TNR: variants seen among roughly 807,000 people sequenced by gnomAD.
TNR encodes tenascin-R.
In TNR, 45 loss-of-function variants were observed where a neutral mutation model predicts 150.4. That is an observed-to-expected ratio of 0.30 (90% CI 0.24 to 0.38). The LOEUF is 0.38. TNR is among the 10% of genes least tolerant of loss of function. TNR has a pLI of 1.00. For synonymous variants in TNR, 687 were observed against 678.4 expected (o/e 1.01, Z -0.20); for missense variants, 1,544 against 1,759.1 (o/e 0.88, Z 2.19).
chr1:175,591,766 T>C (rs1176321456), intron 1 of TNR, among the ~76,000 whole-genome samples: 1 of 152,202 alleles, frequency 6.6e-6, no homozygotes, highest in East Asian at 1.9e-4. Context: ...ACTGGGTTCA[T>C]GGTAGAATTA....
chr1:175,562,126 G>T (rs1661454965), intron 1 of TNR, among the ~76,000 whole-genome samples: 1 of 152,270 alleles, frequency 6.6e-6, no homozygotes, highest in Middle Eastern at 3.4e-3. Flanking sequence ...ACATGATGGT[G>T]CTCAAATCTA....
chr1:175,369,167 C>T (rs1346704120), intron 9 of TNR, among the ~76,000 whole-genome samples: 1 of 152,114 alleles, frequency 6.6e-6, no homozygotes, highest in Non-Finnish European at 1.5e-5. Context: ...CTCATCACAA[C>T]CTTGGGAGGA....
chr1:175,576,305 T>A (rs1160733367), intron 1 of TNR, among the ~76,000 whole-genome samples: 1 of 152,072 alleles, frequency 6.6e-6, no homozygotes, highest in African/African-American at 2.4e-5. Context: ...AGATGCAAAG[T>A]CAGGTGGAGA....
chr1:175,516,170 C>T (rs960880986), intron 2 of TNR, among the ~76,000 whole-genome samples: 7 of 152,080 alleles, frequency 4.6e-5, no homozygotes, highest in South Asian at 2.1e-4. Context: ...CTTTCTGTAA[C>T]GTAGTGATTG....
chr1:175,471,597 C>G (rs1293702947), intron 2 of TNR, among the ~76,000 whole-genome samples: 1 of 152,132 alleles, frequency 6.6e-6, no homozygotes, highest in East Asian at 1.9e-4. Context: ...AATGGTACAT[C>G]TATACAGGGC....
chr1:175,489,784 C>T (rs957988098), intron 2 of TNR, among the ~76,000 whole-genome samples: 1 of 152,138 alleles, frequency 6.6e-6, no homozygotes, highest in South Asian at 2.1e-4. Context: ...AAGTTGAAAT[C>T]CTATATACAT....
rs369145622 is a variant in TNR at position 175,500,308 on chromosome 1, G to C, written c.-64+27961C>G. On this transcript the variant is annotated intron_variant, in intron 2 of 22. Transcript: ENST00000367674. ...GGGAAAGCTAAAAAGTGGAGCTCAG[G>C]CCTTACAAGTCACGTTCTCCTCAGT... Among the ~76,000 whole-genome samples the C allele has an allele frequency of 3.3e-5, 5 of 152,258 alleles. No homozygotes were observed. In the East Asian group the frequency reaches 9.6e-4, roughly 29 times the overall value.
chr1:175,388,649 G>T (rs1006482753), intron 7 of TNR, among the ~76,000 whole-genome samples: 24 of 152,216 alleles, frequency 1.6e-4, no homozygotes, highest in African/African-American at 4.6e-4. Context: ...AATCAAGGAG[G>T]TATCAACTTG....
chr1:175,326,478 C>G (rs934419810), intron 21 of TNR, among the ~76,000 whole-genome samples: 5 of 152,178 alleles, frequency 3.3e-5, no homozygotes, highest in African/African-American at 4.8e-5. Context: ...GACGCCCTCA[C>G]TGGGGAGGCC....
chr1:175,406,543 T>C lies in TNR; in HGVS notation c.172A>G (p.Ser58Gly), dbSNP rs1285460280. The C allele has an allele frequency of 2.5e-6, 4 of 1,614,218 alleles. No homozygotes were observed. In the South Asian group the frequency reaches 3.3e-5, roughly 13 times the overall value. ...TTGAAGACCACAGGCTGCTCTTTGC[T>C]GGATGTGTTGTAGTTGGCAATGCCT... ...EGGIANYNTS[S>G]KEQPVVFNHV... is the part of the protein sequence containing the mutation. Residue 58 changes from serine (S) to glycine (G), a missense_variant, in exon 3 of 23, where the codon AGC (serine) becomes GGC (glycine). By Grantham distance (56) the Ser-to-Gly change is moderately conservative (BLOSUM62 0). Coordinates refer to ENST00000367674, the MANE Select transcript of TNR (RefSeq NM_003285.3).
At chr1:175,626,319 C>T (rs574335735) in intron 1 of TNR, among the ~76,000 whole-genome samples, 3 of 152,298 alleles carry the variant, frequency 2.0e-5, no homozygotes, top group Admixed American at 1.3e-4. Flanking sequence ...TATGATCGTG[C>T]AAAGGTCATT....
Position 175,317,691 on chromosome 1 carries a change from G to C in TNR, c.*5666C>G, listed in dbSNP as rs1014418103. 2 of 152,262 alleles carry C rather than the reference G, an allele frequency of 1.3e-5. No homozygotes were observed. Among genetic ancestry groups the C allele is most frequent in the Admixed American group, 6.5e-5 (1 of 15,284 alleles). 9.4% of individuals were successfully genotyped at this position (152,262 alleles called of 1,614,324 possible). On this transcript the variant is annotated 3_prime_UTR_variant, in exon 23 of 23. Coordinates refer to ENST00000367674, the MANE Select transcript of TNR (RefSeq NM_003285.3). ...GCCAGTGAGTGAGTGCCAGTACCCA[G>C]GAGAGCTGGCCTCATAAGGATAATA...
rs149364113 is a variant in TNR, at chr1:175,386,060, G to T, written c.1749C>A (p.Ser583Arg). 1.9e-6 allele frequency: 3 copies of T among 1,601,600 alleles called. No individual in the cohort carries two copies. The highest frequency in any genetic ancestry group is 1.7e-6 in the Non-Finnish European group (2 of 1,171,962). The change falls in exon 8 of 23, where the codon AGC becomes AGA. Residue 583 changes from serine to arginine, a missense_variant. By Grantham distance (110) the Ser-to-Arg change is moderately radical. This residue lies in a region of TNR where 1,254 missense variants were observed against 1,329.4 expected (regional missense o/e 0.94). Transcript: ENST00000367674. Reference protein sequence around the residue: ...SVSAVRGTNESDSATTQFTTE... With the variant: ...SVSAVRGTNERDSATTQFTTE... The stretch of plus-strand genomic sequence containing the variant: ...TTGTGAACTGAGTGGTGGCAGAATC[G>T]CTCTCGTTGGTCCCTCGGACGGCAC...
chr1:175,470,809 C>T (rs1342280773), intron 2 of TNR, among the ~76,000 whole-genome samples: 1 of 152,172 alleles, frequency 6.6e-6, no homozygotes, highest in East Asian at 1.9e-4. Flanking sequence ...TCACTTGTTT[C>T]TCTATTAGCT....
chr1:175,360,166 G>T (rs1234089409), intron 14 of TNR, among the ~76,000 whole-genome samples: 1 of 152,202 alleles, frequency 6.6e-6, no homozygotes, highest in African/African-American at 2.4e-5. Flanking sequence ...GTAAGGGTGT[G>T]CCTCATGGAA....
At chr1:175,579,847 CT>C (rs1662278345) in intron 1 of TNR, among the ~76,000 whole-genome samples, 1 of 152,076 alleles carries the variant, frequency 6.6e-6, no homozygotes, top group African/African-American at 2.4e-5. Flanking sequence ...CAGGTCCTGC[CT>C]TTTATCCTTC....
At chr1:175,347,161 G>C (rs1650833350) in intron 18 of TNR, among the ~76,000 whole-genome samples, 1 of 151,910 alleles carries the variant, frequency 6.6e-6, no homozygotes, top group African/African-American at 2.4e-5. Context: ...CGAGAAAGAA[G>C]CTATTAATAT....
rs377360796 is a variant in TNR, at chr1:175,330,066, A to G, written c.3793+8T>C. 11 of 1,569,064 alleles carry G rather than the reference A, an allele frequency of 7.0e-6. No individual in the cohort carries two copies. Among genetic ancestry groups the G allele is most frequent in the Admixed American group, 1.7e-5 (1 of 58,382 alleles). ...TGTCCTTGGGGTCTGCTCAGGAGCCATAGGTACCCGCAGTGCCGTTGTAGC... is the reference window on the plus strand; with the variant it reads ...TGTCCTTGGGGTCTGCTCAGGAGCCGTAGGTACCCGCAGTGCCGTTGTAGC... On this transcript the variant is annotated splice_region_variant and intron_variant, in intron 21 of 22. Transcript: ENST00000367674.
intron 13 of TNR, 42 bp downstream of exon 13, chr1:175,363,666 C>T (rs918466087): frequency 6.9e-6 from 11 of 1,598,918 alleles, no homozygotes; most frequent in Middle Eastern, 1.7e-4. Flanking sequence ...ATAATCTTCA[C>T]CCAAATCCTA....
Sources: allele counts gnomAD v4.1 joint callset (sites outside exome capture counted in the v4.1 genomes callset), GRCh38; gene constraint gnomAD v4.1.1; regional missense constraint gnomAD v4.1.1; transcripts MANE v1.5; gene names NCBI Gene and HGNC (gene_info 2026-07-23, HGNC 2026-07-21).